GLRA3: variants seen among roughly 807,000 people sequenced by gnomAD.
The protein encoded by GLRA3 is glycine receptor subunit alpha-3.
Under a neutral mutation model 60.4 loss-of-function variants are expected in GLRA3, and 44 were observed. The ratio of observed to expected loss-of-function variants is 0.73; its 90% CI spans 0.57 to 0.94. The LOEUF is 0.94. Ranked by LOEUF, GLRA3 falls within the 40% of genes least tolerant of loss-of-function variation. The probability of loss-of-function intolerance (pLI) is 0.00; values close to 1 mark genes in which losing one functional copy is unlikely to be tolerated. For missense variants in GLRA3, 508 were observed against 564.6 expected (o/e 0.90, Z 1.02); for synonymous variants, 223 against 192.9 (o/e 1.16, Z -1.29).
At chr4:174,754,246 C>T (rs745915547) in intron 3 of GLRA3, among the ~76,000 whole-genome samples, 39 of 152,030 alleles carry the variant, frequency 2.6e-4, no homozygotes, top group Non-Finnish European at 5.0e-4. Context: ...TTCATGCATA[C>T]TTATCTTTTG....
At chr4:174,683,036 A>AACAG (rs1365366472) in intron 5 of GLRA3, 97 bp from the exon 6 acceptor site, 9 of 898,418 alleles carry the variant, frequency 1.0e-5, no homozygotes, top group Non-Finnish European at 1.6e-5. Context: ...GAGAAGACCA[A>AACAG]ACAGTGTCAT....
intron 3 of GLRA3, among the ~76,000 whole-genome samples, chr4:174,733,003 G>A (rs1189892045): frequency 6.6e-6 from 1 of 152,146 alleles, no homozygotes; most frequent in Non-Finnish European, 1.5e-5. Context: ...TAGTGTTTAT[G>A]TTATTAAATT....
intron 3 of GLRA3, among the ~76,000 whole-genome samples, chr4:174,732,614 T>A (rs939605035): frequency 6.6e-6 from 1 of 152,012 alleles, no homozygotes; most frequent in African/African-American, 2.4e-5. Flanking sequence ...GTCAATAAAA[T>A]CAAATACCTA....
Position 174,641,981 on chromosome 4 carries a change from T to A in GLRA3, c.*1805A>T, listed in dbSNP as rs1732634852. On this transcript the variant is annotated 3_prime_UTR_variant, in exon 10 of 10. Coordinates refer to ENST00000274093, the MANE Select transcript of GLRA3 (RefSeq NM_006529.4). ...ACCAAATGAAGAAGCATATGTTTAATTTTCAGGTGCACAGTCCTCAACGTG... is the reference window on the plus strand; with the variant it reads ...ACCAAATGAAGAAGCATATGTTTAAATTTCAGGTGCACAGTCCTCAACGTG... The A allele has an allele frequency of 5.8e-6, 1 of 171,530 alleles. No homozygotes were observed. The highest frequency in any genetic ancestry group is 2.0e-4 in the South Asian group (1 of 5,124). 10.6% of individuals were successfully genotyped at this position (171,530 alleles called of 1,614,324 possible).
intron 5 of GLRA3, among the ~76,000 whole-genome samples, chr4:174,693,821 A>G (rs752380712): frequency 6.6e-6 from 1 of 152,174 alleles, no homozygotes; most frequent in Non-Finnish European, 1.5e-5. Context: ...AAGACCTAAT[A>G]GTATACTGTC....
intron 1 of GLRA3, among the ~76,000 whole-genome samples, chr4:174,795,612 T>C (rs1279440433): frequency 6.6e-6 from 1 of 152,190 alleles, no homozygotes; most frequent in Non-Finnish European, 1.5e-5. Context: ...AAAATTAAAG[T>C]GCATTTATTT....
chr4:174,685,175 T>G, intron 5 of GLRA3, among the ~76,000 whole-genome samples: 1 of 152,080 alleles, frequency 6.6e-6, no homozygotes, highest in Non-Finnish European at 1.5e-5. Flanking sequence ...CTGGTTAAGC[T>G]GAATAGAACA....
chr4:174,692,123 C>A (rs563433881), intron 5 of GLRA3, among the ~76,000 whole-genome samples: 129 of 151,666 alleles, frequency 8.5e-4, no homozygotes, highest in African/African-American at 3.0e-3. Flanking sequence ...TGGCAACTGC[C>A]CCGTCTGAGA....
intron 3 of GLRA3, among the ~76,000 whole-genome samples, chr4:174,742,490 G>T (rs939856176): frequency 2.6e-5 from 4 of 152,072 alleles, no homozygotes; most frequent in African/African-American, 9.7e-5. Context: ...AAAATATGTT[G>T]CATTCTGAAT....
At chr4:174,658,998 A>G in intron 8 of GLRA3, 56 bp downstream of exon 8, 1 of 1,459,170 alleles carries the variant, frequency 6.9e-7, no homozygotes, top group Non-Finnish European at 9.5e-7. Context: ...AATACAACAA[A>G]TTCACTTTCG....
chr4:174,641,548 T>A lies in GLRA3; in HGVS notation c.*2238A>T, dbSNP rs1732620597. On this transcript the variant is annotated 3_prime_UTR_variant, in exon 10 of 10. Coordinates refer to ENST00000274093, the MANE Select transcript of GLRA3 (RefSeq NM_006529.4). ...AAAGGAAAACTATGCCTAAGGAAAGTGTAATACTTTTGAGATAGATTTCTA... is the reference window on the plus strand; with the variant it reads ...AAAGGAAAACTATGCCTAAGGAAAGAGTAATACTTTTGAGATAGATTTCTA... 1 of 152,064 alleles carries A rather than the reference T, an allele frequency of 6.6e-6. No homozygotes were observed. The highest frequency in any genetic ancestry group is 2.4e-5 in the African/African-American group (1 of 41,456). 9.4% of individuals were successfully genotyped at this position (152,064 alleles called of 1,614,324 possible).
chr4:174,776,462 G>T (rs1162477082), intron 2 of GLRA3, among the ~76,000 whole-genome samples: 2 of 151,972 alleles, frequency 1.3e-5, no homozygotes, highest in East Asian at 1.9e-4. Context: ...AATTTATCCT[G>T]CAGGAAGAAG....
At chr4:174,813,164 A>C (rs949459064) in intron 1 of GLRA3, among the ~76,000 whole-genome samples, 1 of 152,230 alleles carries the variant, frequency 6.6e-6, no homozygotes, top group Non-Finnish European at 1.5e-5. Flanking sequence ...TTTCAGTCTC[A>C]TATTTTCCAA....
chr4:174,775,550 G>A (rs1738565776), intron 2 of GLRA3, among the ~76,000 whole-genome samples: 1 of 152,254 alleles, frequency 6.6e-6, no homozygotes, highest in South Asian at 2.1e-4. Context: ...AAATACTTGG[G>A]AGGAAGACAG....
chr4:174,677,857 C>A (rs990194985), intron 6 of GLRA3, among the ~76,000 whole-genome samples: 1 of 152,042 alleles, frequency 6.6e-6, no homozygotes, highest in African/African-American at 2.4e-5. Flanking sequence ...GTCAAGATAT[C>A]CAAAGATTTA....
chr4:174,781,288 C>T (rs1738859601), intron 2 of GLRA3, among the ~76,000 whole-genome samples: 1 of 150,122 alleles, frequency 6.7e-6, no homozygotes, highest in Non-Finnish European at 1.5e-5. Context: ...CACAACATAC[C>T]AGAATCTCTG....
chr4:174,708,323 A>G (rs1045194702), intron 5 of GLRA3, among the ~76,000 whole-genome samples: 1 of 152,104 alleles, frequency 6.6e-6, no homozygotes, highest in African/African-American at 2.4e-5. Flanking sequence ...TGAATCTGAG[A>G]AATTAAATCA....
At chr4:174,754,970 A>G (rs1178966932) in intron 3 of GLRA3, among the ~76,000 whole-genome samples, 1 of 152,104 alleles carries the variant, frequency 6.6e-6, no homozygotes, top group African/African-American at 2.4e-5. Flanking sequence ...ATAGAATTAC[A>G]CTGAAAGATT....
chr4:174,691,586 G>T (rs1368691368), intron 5 of GLRA3, among the ~76,000 whole-genome samples: 1 of 152,228 alleles, frequency 6.6e-6, no homozygotes, highest in Non-Finnish European at 1.5e-5. Flanking sequence ...TGGAGACGGG[G>T]TTTCGCTGTG....
Sources: allele counts gnomAD v4.1 joint callset (sites outside exome capture counted in the v4.1 genomes callset), GRCh38; gene constraint gnomAD v4.1.1; transcripts MANE v1.5; gene names NCBI Gene and HGNC (gene_info 2026-07-23, HGNC 2026-07-21).